The following PLAC1 variants were observed in gnomAD, a reference collection of about 807,000 sequenced individuals.
PLAC1 encodes the protein placenta associated 1, also known as placenta-specific protein 1.
For missense variants in PLAC1, 136 were observed against 163.2 expected, an observed-to-expected ratio of 0.83 and a Z score of 0.91; for synonymous variants, 68 against 62.1, an observed-to-expected ratio of 1.09 and a Z score of -0.44.
intron 1 of PLAC1, among the ~76,000 whole-genome samples, chrX:134,613,200 C>T (rs994630295): frequency 9.0e-6 from 1 of 110,799 alleles, no homozygotes; most frequent in Non-Finnish European, 1.9e-5. Flanking sequence ...ATGCACAGGA[C>T]GATCCAGGGA....
At chrX:134,586,238 GGGA>G (rs895664220) in intron 2 of PLAC1, among the ~76,000 whole-genome samples, 2 of 111,860 alleles carry the variant, frequency 1.8e-5, no homozygotes, top group African/African-American at 6.5e-5. Flanking sequence ...CCACAGCGAG[GGGA>G]GGAGGAGAGG....
At chrX:134,655,896 T>G (rs1602882726) in intron 1 of PLAC1, among the ~76,000 whole-genome samples, 1 of 112,206 alleles carries the variant, frequency 8.9e-6, no homozygotes, top group Non-Finnish European at 1.9e-5. Context: ...CCATATCAGA[T>G]TCTTTAATCA....
chrX:134,710,030 ATAAAGT>A (rs1198424976), intron 2 of PLAC1, among the ~76,000 whole-genome samples: 1 of 111,930 alleles, frequency 8.9e-6, no homozygotes, highest in East Asian at 2.8e-4. Context: ...AAATGACAGT[ATAAAGT>A]TAAAGATAAG....
At chrX:134,568,000 G>A (rs374529526) in intron 2 of PLAC1, among the ~76,000 whole-genome samples, 3 of 111,778 alleles carry the variant, frequency 2.7e-5, no homozygotes, top group South Asian at 7.6e-4. Context: ...CTCAAAGAGT[G>A]ACAGGCAGAC....
chrX:134,593,959 G>A (rs1397750323), intron 2 of PLAC1, among the ~76,000 whole-genome samples: 1 of 111,440 alleles, frequency 9.0e-6, no homozygotes, highest in Non-Finnish European at 1.9e-5. Flanking sequence ...AGTAGTGAAA[G>A]TGCACATCCT....
intron 2 of PLAC1, among the ~76,000 whole-genome samples, chrX:134,568,060 CAGA>C (rs1439267069): frequency 8.9e-6 from 1 of 112,027 alleles, no homozygotes; most frequent in East Asian, 2.8e-4. Flanking sequence ...AACATGCTAT[CAGA>C]AGGAGGTAAC....
Position 134,707,258 on chromosome X carries a change from A to G in PLAC1, n.174+26177T>C, listed in dbSNP as rs747554181. Among the ~76,000 whole-genome samples the G allele has an allele frequency of 3.6e-5, 4 of 112,614 alleles. No homozygotes were observed. In the Admixed American group the frequency reaches 3.8e-4, roughly 11 times the overall value. ...CCTTCTTAATGAAGGGAAAATCAAG[A>G]CATCCTTAGATGCAGGAACACTAAC... On this transcript the variant is annotated intron_variant and non_coding_transcript_variant, in intron 2 of 2. Coordinates refer to the PLAC1 transcript ENST00000466797.
chrX:134,677,475 G>A, intron 2 of PLAC1, among the ~76,000 whole-genome samples: 1 of 112,176 alleles, frequency 8.9e-6, no homozygotes, highest in East Asian at 2.8e-4. Flanking sequence ...CTACTTTCAT[G>A]AGGGTAATCA....
intron 2 of PLAC1, among the ~76,000 whole-genome samples, chrX:134,677,608 G>C (rs2078479870): frequency 9.0e-6 from 1 of 111,459 alleles, no homozygotes; most frequent in African/African-American, 3.3e-5. Flanking sequence ...GAAGGCCAGA[G>C]TGGCTGGAAC....
intron 2 of PLAC1, among the ~76,000 whole-genome samples, chrX:134,574,564 C>T (rs1200111042): frequency 8.9e-6 from 1 of 112,002 alleles, no homozygotes; most frequent in Admixed American, 9.5e-5. Context: ...GCCAAGGGCT[C>T]TATGTCTGTC....
intron 1 of PLAC1, among the ~76,000 whole-genome samples, chrX:134,643,085 A>T (rs1418775926): frequency 8.9e-6 from 1 of 112,162 alleles, no homozygotes; most frequent in African/African-American, 3.2e-5. Flanking sequence ...TATTCTTAGT[A>T]ATTGTGTAAG....
chrX:134,622,353 C>T (rs914361564), intron 1 of PLAC1, among the ~76,000 whole-genome samples: 2 of 111,265 alleles, frequency 1.8e-5, no homozygotes, highest in Admixed American at 9.6e-5. Flanking sequence ...CATCCCCCTC[C>T]TCCCCCCTCC....
intron 1 of PLAC1, among the ~76,000 whole-genome samples, chrX:134,656,845 C>A (rs2078393946): frequency 8.9e-6 from 1 of 112,090 alleles, no homozygotes; most frequent in Non-Finnish European, 1.9e-5. Flanking sequence ...CCTCAGCTTC[C>A]CGAAGTGTTG....
chrX:134,696,988 G>A (rs1246416466), intron 2 of PLAC1, among the ~76,000 whole-genome samples: 5 of 106,475 alleles, frequency 4.7e-5, no homozygotes, highest in Non-Finnish European at 7.7e-5. Context: ...AGCCGAGATC[G>A]CGCCACTGCA....
intron 1 of PLAC1, among the ~76,000 whole-genome samples, chrX:134,636,812 T>A (rs967058191): frequency 1.8e-5 from 2 of 112,125 alleles, no homozygotes; most frequent in Non-Finnish European, 3.8e-5. Flanking sequence ...GGGAGAAACC[T>A]GGCCTTGCAA....
intron 2 of PLAC1, among the ~76,000 whole-genome samples, chrX:134,729,966 T>G (rs187456108): frequency 9.0e-6 from 1 of 110,517 alleles, no homozygotes; most frequent in Admixed American, 9.7e-5. Flanking sequence ...TAACTTTGTA[T>G]TTTTAGTAGA....
At chrX:134,690,896 C>T (rs180981277) in intron 2 of PLAC1, among the ~76,000 whole-genome samples, 41 of 84,808 alleles carry the variant, frequency 4.8e-4, no homozygotes, top group African/African-American at 1.8e-3. Flanking sequence ...GAGCCGAAAT[C>T]GCGCCACTGC....
chrX:134,573,702 C>T (rs5933425), intron 2 of PLAC1, among the ~76,000 whole-genome samples: 55,348 of 110,373 alleles, frequency 0.5, 11,469 homozygotes, highest in East Asian at 0.66. Flanking sequence ...GTGAGGTGCA[C>T]GCATATGGCC....
chrX:134,600,609 C>T, intron 2 of PLAC1, among the ~76,000 whole-genome samples: 1 of 110,502 alleles, frequency 9.0e-6, no homozygotes, highest in East Asian at 2.8e-4. Context: ...TATGATCAGC[C>T]CACCGCACTC....
Sources: allele counts gnomAD v4.1 joint callset (sites outside exome capture counted in the v4.1 genomes callset), GRCh38; gene constraint gnomAD v4.1.1; transcripts MANE v1.5; gene names NCBI Gene and HGNC (gene_info 2026-07-23, HGNC 2026-07-21).